FAM209B: variants seen among roughly 807,000 people sequenced by gnomAD.
The protein encoded by FAM209B is family with sequence similarity 209 member B, also known as protein FAM209B.
In FAM209B, 8 loss-of-function variants were observed where a neutral mutation model predicts 8.9. The observed-to-expected ratio is 0.90, with a 90% CI of 0.53 to 1.62. The LOEUF (loss-of-function observed/expected upper bound fraction) is 1.62, where lower values mean the gene tolerates loss of function less well. FAM209B is among the 40% of genes most tolerant of loss of function. FAM209B has a pLI of 0.00. For synonymous variants in FAM209B, 67 were observed against 75.0 expected, an observed-to-expected ratio of 0.89 and a Z score of 0.55; for missense variants, 175 against 205.3, an observed-to-expected ratio of 0.85 and a Z score of 0.90.
rs770663228 is a variant in FAM209B at position 56,536,369 on chromosome 20, G to A, written c.447G>A (p.Arg149=). 7.4e-6 allele frequency: 12 copies of A among 1,613,980 alleles called. No individual in the cohort carries two copies. The highest frequency in any genetic ancestry group is 1.1e-5 in the South Asian group (1 of 91,074). Residue 149 remains arginine, a synonymous_variant, in exon 2 of 2, where the codon AGG becomes AGA. Transcript: ENST00000371325. The part of the protein sequence containing the change: ...TGSGSNLKLR[R]SEMPADPYHV... ...GTGGCAGTAACCTCAAGCTTCGAAG[G>A]TCAGAGATGCCTGCAGATCCATACC... is the stretch of plus-strand genomic sequence containing the variant.
intron 1 of FAM209B, among the ~76,000 whole-genome samples, chr20:56,534,516 T>C (rs200207176): frequency 6.6e-6 from 1 of 151,024 alleles, no homozygotes; most frequent in Non-Finnish European, 1.5e-5. Flanking sequence ...TTTGGGAGGC[T>C]GAGGCGGGTG....
At chr20:56,534,901 A>G (rs1345469398) in intron 1 of FAM209B, among the ~76,000 whole-genome samples, 2 of 146,674 alleles carry the variant, frequency 1.4e-5, no homozygotes, top group African/African-American at 2.5e-5. Context: ...TAAAAATACA[A>G]AATTAGGCGT....
rs376914402 is a variant in FAM209B at position 56,536,442 on chromosome 20, G to A, written c.*4G>A. 1.2e-5 allele frequency: 19 copies of A among 1,575,874 alleles called. No individual in the cohort carries two copies. In the African/African-American group the frequency reaches 2.2e-4, roughly 18 times the overall value. On this transcript the variant is annotated 3_prime_UTR_variant, in exon 2 of 2. Coordinates refer to ENST00000371325, the MANE Select transcript of FAM209B (RefSeq NM_001013646.4). ...GGGAGAAGAAAGCTCTAGCTGAATG[G>A]ATTTGTGTGTCAGGAGAGAAAAAAG...
chr20:56,534,330 G>A (rs1483243276), intron 1 of FAM209B, among the ~76,000 whole-genome samples: 1 of 152,040 alleles, frequency 6.6e-6, no homozygotes, highest in African/African-American at 2.4e-5. Context: ...AGATAAAGGT[G>A]TAGGCCGGGC....
intron 1 of FAM209B, among the ~76,000 whole-genome samples, chr20:56,535,252 T>A (rs888715205): frequency 1.2e-4 from 17 of 147,494 alleles, no homozygotes; most frequent in Admixed American, 9.5e-4. Flanking sequence ...GGTATGGTGG[T>A]GGGCACCTGT....
At chr20:56,533,742 A>G in intron 1 of FAM209B, 152 bp downstream of exon 1, 1 of 997,342 alleles carries the variant, frequency 1.0e-6, no homozygotes, top group Non-Finnish European at 1.5e-6. Context: ...TTCCTGATGT[A>G]TCCTTAGTGA....
chr20:56,536,487 A>C lies in FAM209B; in HGVS notation c.*49A>C. 1 of 1,503,612 alleles carries C rather than the reference A, an allele frequency of 6.7e-7. No individual in the cohort carries two copies. The highest frequency in any genetic ancestry group is 1.4e-5 in the South Asian group (1 of 73,908). The allele number at this position is 1,503,612 out of a possible 1,614,324, so 93.1% of individuals were successfully genotyped here. A position where few individuals can be genotyped will look rare whatever the true frequency, so the allele number is the denominator to read the frequency against. ...AAAAAGTTGAGTGTTGACAAACTGT[A>C]TGCAAACTAATAAAACTATTCTGAA... is the stretch of plus-strand genomic sequence containing the variant. On this transcript the variant is annotated 3_prime_UTR_variant, in exon 2 of 2. Transcript: ENST00000371325.
At position 56,536,229 on chromosome 20, in the gene FAM209B, C is replaced by CA. The variant is rs773286254; in HGVS notation, c.311dup (p.Asn104LysfsTer17). ...ATTTCGCACTCCACTAAAGAAAAATCAAAATGCTTCTCTTTACAAAGACTG... is the reference window on the plus strand; with the variant it reads ...ATTTCGCACTCCACTAAAGAAAAATCAAAAATGCTTCTCTTTACAAAGACTG... On this transcript the variant is annotated frameshift_variant, in exon 2 of 2. Transcript: ENST00000371325. LOFTEE classifies it low-confidence loss of function (END_TRUNC). 147 of 1,593,118 alleles carry CA rather than the reference C, an allele frequency of 9.2e-5. No individual in the cohort carries two copies. Among genetic ancestry groups the CA allele is most frequent in the Middle Eastern group, 1.7e-4 (1 of 5,954 alleles).
chr20:56,535,176 C>T (rs1216665065), intron 1 of FAM209B, among the ~76,000 whole-genome samples: 1 of 149,900 alleles, frequency 6.7e-6, no homozygotes, highest in Non-Finnish European at 1.5e-5. Context: ...GAGCTGAGAT[C>T]GTGCCACTGC....
At position 56,536,153 on chromosome 20, in the gene FAM209B, T is replaced by G; in HGVS notation, c.250-19T>G. ...GCAAAGTCCATGATATTATTGACCT[T>G]GAATATCTTTCTTGACAGGAGCAGA... is the stretch of plus-strand genomic sequence containing the variant. On this transcript the variant is annotated intron_variant, in intron 1 of 1. Coordinates refer to ENST00000371325, the MANE Select transcript of FAM209B (RefSeq NM_001013646.4). The G allele has an allele frequency of 6.6e-7, 1 of 1,512,990 alleles. No homozygotes were observed. Among genetic ancestry groups the G allele is most frequent in the Non-Finnish European group, 8.8e-7 (1 of 1,132,132 alleles). 93.7% of individuals were successfully genotyped at this position (1,512,990 alleles called of 1,614,324 possible). A position where few individuals can be genotyped will look rare whatever the true frequency, so the allele number is the denominator to read the frequency against.
At chr20:56,535,434 T>C (rs536613492) in intron 1 of FAM209B, among the ~76,000 whole-genome samples, 1 of 148,378 alleles carries the variant, frequency 6.7e-6, no homozygotes, top group Admixed American at 6.8e-5. Context: ...TCTACAAAAA[T>C]ACAAAAATTA....
Position 56,533,253 on chromosome 20 carries a change from C to T in FAM209B, c.-89C>T. 6.3e-7 allele frequency: 1 copy of T among 1,580,180 alleles called. No homozygotes were observed. Among genetic ancestry groups the T allele is most frequent in the Non-Finnish European group, 8.6e-7 (1 of 1,163,120 alleles). On this transcript the variant is annotated 5_prime_UTR_variant, in exon 1 of 2. Coordinates refer to ENST00000371325, the MANE Select transcript of FAM209B (RefSeq NM_001013646.4). ...TCAGCTCAGGGCCTCTGTGACATCA[C>T]CAAGGGCCTGGCACCAGGTGCCCAG...
chr20:56,533,496 C>G lies in FAM209B; in HGVS notation c.155C>G (p.Thr52Ser), dbSNP rs556397486. The stretch of plus-strand genomic sequence containing the variant: ...ATTCGGCAGAACCTACCAGAGCACA[C>G]CCAAGGCTGGCTTGGGAGCAAATGG... ...FRIRQNLPEH[T>S]QGWLGSKWLW... is the part of the protein sequence containing the mutation. The change falls in exon 1 of 2, where the codon ACC (threonine) becomes AGC (serine). Residue 52 changes from threonine (T) to serine (S), a missense_variant. By Grantham distance (58) the Thr-to-Ser change is moderately conservative (BLOSUM62 1). Around this residue, in one of 2 missense-constraint regions of FAM209B, gnomAD observed 166 missense variants for 174.5 expected, o/e 0.95. Transcript: ENST00000371325. The G allele has an allele frequency of 6.2e-7, 1 of 1,614,080 alleles. No individual in the cohort carries two copies. Among genetic ancestry groups the G allele is most frequent in the Admixed American group, 1.7e-5 (1 of 59,998 alleles).
In FAM209B at chr20:56,536,226, A is replaced by C; in HGVS notation, c.304A>C (p.Asn102His). The C allele has an allele frequency of 6.3e-7, 1 of 1,592,680 alleles. No homozygotes were observed. The highest frequency in any genetic ancestry group is 1.4e-5 in the African/African-American group (1 of 74,026). ...CCCATTTCGCACTCCACTAAAGAAA[A>C]ATCAAAATGCTTCTCTTTACAAAGA... ...GFPFRTPLKK[N>H]QNASLYKDCV... The change falls in exon 2 of 2, where the codon AAT (asparagine) becomes CAT (histidine). Residue 102 changes from asparagine to histidine, a missense_variant. Coordinates refer to ENST00000371325, the MANE Select transcript of FAM209B (RefSeq NM_001013646.4).
chr20:56,536,051 C>A, intron 1 of FAM209B, 121 bp from the exon 2 acceptor site: 1 of 801,438 alleles, frequency 1.2e-6, no homozygotes, highest in Non-Finnish European at 1.8e-6. Context: ...CATAGTCTGC[C>A]AGTGCCTGCA....
Position 56,536,172 on chromosome 20 carries a change from G to C in FAM209B, c.250G>C (p.Glu84Gln). The C allele has an allele frequency of 2.0e-6, 3 of 1,533,060 alleles. No individual in the cohort carries two copies. Among genetic ancestry groups the C allele is most frequent in the Non-Finnish European group, 2.6e-6 (3 of 1,141,958 alleles). 95.0% of individuals were successfully genotyped at this position (1,533,060 alleles called of 1,614,324 possible). The change falls in exon 2 of 2, where the codon GAG becomes CAG. Residue 84 changes from glutamate (E) to glutamine (Q), a missense_variant and splice_region_variant. Transcript: ENST00000371325. ...QCQRDSEKNK[E>Q]QSPPGLRGFP... ...TGACCTTGAATATCTTTCTTGACAGGAGCAGAGTCCTCCTGGCCTTCGAGG... is the reference window on the plus strand; with the variant it reads ...TGACCTTGAATATCTTTCTTGACAGCAGCAGAGTCCTCCTGGCCTTCGAGG...
intron 1 of FAM209B, among the ~76,000 whole-genome samples, chr20:56,533,986 T>C (rs1355478707): frequency 1.3e-5 from 2 of 151,896 alleles, no homozygotes; most frequent in Non-Finnish European, 2.9e-5. Context: ...TGAAACCCCA[T>C]CTCTACTAAA....
chr20:56,535,508 T>G (rs1985945241), intron 1 of FAM209B, among the ~76,000 whole-genome samples: 1 of 151,888 alleles, frequency 6.6e-6, no homozygotes, highest in East Asian at 1.9e-4. Context: ...GGAGAATAGC[T>G]GGAACCTGGG....
intron 1 of FAM209B, among the ~76,000 whole-genome samples, chr20:56,533,883 G>A (rs868250745): frequency 3.9e-5 from 6 of 152,272 alleles, no homozygotes; most frequent in African/African-American, 9.6e-5. Context: ...TCAGCCGGGC[G>A]CAGTGGTTCA....
Sources: allele counts gnomAD v4.1 joint callset (sites outside exome capture counted in the v4.1 genomes callset), GRCh38; gene constraint gnomAD v4.1.1; regional missense constraint gnomAD v4.1.1; transcripts MANE v1.5; gene names NCBI Gene and HGNC (gene_info 2026-07-23, HGNC 2026-07-21).